The following YTHDC1 variants were observed in gnomAD, a reference collection of about 807,000 sequenced individuals.
YTHDC1 encodes the protein YTH N6-methyladenosine RNA binding protein C1, also known as YTH domain-containing protein 1.
A neutral mutation model predicts 107.0 loss-of-function variants in YTHDC1; 12 were observed. The observed-to-expected ratio is 0.11, with a 90% CI of 0.07 to 0.18. The LOEUF is 0.18. YTHDC1 is among the 10% of genes least tolerant of loss of function. The pLI, the probability that YTHDC1 is intolerant of heterozygous loss-of-function variation, is 1.00. For missense variants in YTHDC1, 635 were observed against 898.8 expected (o/e 0.71, Z 3.75); for synonymous variants, 280 against 289.5 (o/e 0.97, Z 0.33).
At chr4:68,346,932 T>G (rs902930276) in intron 1 of YTHDC1, among the ~76,000 whole-genome samples, 1 of 152,120 alleles carries the variant, frequency 6.6e-6, no homozygotes, top group Non-Finnish European at 1.5e-5. Context: ...TAGAACGTAT[T>G]TACCAGGAAA....
At chr4:68,330,154 G>A in intron 8 of YTHDC1, 35 bp from the exon 9 acceptor site, 2 of 1,576,078 alleles carry the variant, frequency 1.3e-6, no homozygotes, top group Middle Eastern at 1.7e-4. Context: ...ATATGTAGAT[G>A]CTAATATAAT....
intron 11 of YTHDC1, among the ~76,000 whole-genome samples, chr4:68,320,723 G>C (rs1328545353): frequency 6.6e-6 from 1 of 152,018 alleles, no homozygotes; most frequent in African/African-American, 2.4e-5. Context: ...CACAAATTAT[G>C]AATTTTACAT....
chr4:68,338,942 A>AT lies in YTHDC1; in HGVS notation c.29-559dup, dbSNP rs1295601319. Among the ~76,000 whole-genome samples the AT allele has an allele frequency of 7.2e-5, 11 of 152,366 alleles. No individual in the cohort carries two copies. In the South Asian group the frequency reaches 1.7e-3, roughly 23 times the overall value. On this transcript the variant is annotated intron_variant, in intron 1 of 16. Transcript: ENST00000344157. ...AAGGCATGAAAAGATATACTGAGGCATAAAAAGAAAATGCAAGAATGTCTC... is the reference window on the plus strand; with the variant it reads ...AAGGCATGAAAAGATATACTGAGGCATTAAAAAGAAAATGCAAGAATGTCTC...
chr4:68,347,771 G>A (rs1725613756), intron 1 of YTHDC1, among the ~76,000 whole-genome samples: 1 of 152,136 alleles, frequency 6.6e-6, no homozygotes, highest in Non-Finnish European at 1.5e-5. Context: ...TTCCTTAAGA[G>A]AGGAAGACCT....
chr4:68,322,606 G>A lies in YTHDC1; in HGVS notation c.1601+143C>T. 1.0e-6 allele frequency: 1 copy of A among 1,000,336 alleles called. No homozygotes were observed. Among genetic ancestry groups the A allele is most frequent in the Non-Finnish European group, 1.4e-6 (1 of 711,566 alleles). The allele number at this position is 1,000,336 out of a possible 1,614,324, so 62.0% of individuals were successfully genotyped here. A position where few individuals can be genotyped will look rare whatever the true frequency, so the allele number is the denominator to read the frequency against. On this transcript the variant is annotated intron_variant, in intron 11 of 16. Transcript: ENST00000344157. This position sits in a 1 kb window ranked among gnomAD's most constrained non-coding sequence, Gnocchi z 4.8. ...AAGGTGACCATGTGAAATCCTCAAT[G>A]AAGCCACAAACTAGTCCATGCAGCT...
At position 68,330,076 on chromosome 4, in the gene YTHDC1, A is replaced by T. The variant is rs200865937; in HGVS notation, c.1275T>A (p.Pro425=). 222 of 1,613,790 alleles carry T rather than the reference A, an allele frequency of 1.4e-4. 1 individual carries two copies. In the East Asian group the frequency reaches 4.7e-3, roughly 34 times the overall value. The change falls in exon 9 of 17, where the codon CCT becomes CCA. Residue 425 remains proline (P), a synonymous_variant. Transcript: ENST00000344157. ...LSSESHHGGS[P]IHWVLPAGMS... ...TTCCTGCTGGAAGCACCCAGTGTAT[A>T]GGAGATCCTCCGTGATGTGATTCTG...
intron 1 of YTHDC1, among the ~76,000 whole-genome samples, chr4:68,342,593 G>C (rs1403127197): frequency 6.6e-6 from 1 of 152,122 alleles, no homozygotes; most frequent in African/African-American, 2.4e-5. Flanking sequence ...TTATATACTT[G>C]AGGTGCATTT....
At chr4:68,336,244 T>A (rs916489009) in intron 4 of YTHDC1, among the ~76,000 whole-genome samples, 2 of 151,998 alleles carry the variant, frequency 1.3e-5, no homozygotes, top group Non-Finnish European at 2.9e-5. Context: ...TCTGGTAGCA[T>A]CTTTACATAA....
intron 4 of YTHDC1, among the ~76,000 whole-genome samples, chr4:68,333,708 A>T (rs956775118): frequency 3.9e-5 from 6 of 152,126 alleles, no homozygotes; most frequent in African/African-American, 1.2e-4. Context: ...AAATTTGCAA[A>T]GCAAAAACAA....
At chr4:68,339,280 G>GA (rs1560499965) in intron 1 of YTHDC1, among the ~76,000 whole-genome samples, 2 of 151,998 alleles carry the variant, frequency 1.3e-5, no homozygotes, top group East Asian at 1.9e-4. Flanking sequence ...CCTACATGAG[G>GA]AAAAAAATCA....
chr4:68,333,690 G>T (rs149194019), intron 4 of YTHDC1, among the ~76,000 whole-genome samples: 3 of 138,464 alleles, frequency 2.2e-5, no homozygotes, highest in Non-Finnish European at 4.7e-5. Context: ...TTTTCCAAGC[G>T]GGGGGGGAAA....
In YTHDC1 at chr4:68,312,295, T is replaced by C. The variant is rs1037939198; in HGVS notation, c.*1804A>G. ...TGTATATAAAAGCACAAAGTCTCTA[T>C]TGCATACAAAGTGCTCAGTATTTAT... On this transcript the variant is annotated 3_prime_UTR_variant, in exon 17 of 17. Coordinates refer to ENST00000344157, the MANE Select transcript of YTHDC1 (RefSeq NM_001031732.4). The C allele has an allele frequency of 3.3e-5, 5 of 152,190 alleles. No individual in the cohort carries two copies. The highest frequency in any genetic ancestry group is 1.3e-4 in the Admixed American group (2 of 15,274). The allele number at this position is 152,190 out of a possible 1,614,324, so 9.4% of individuals were successfully genotyped here.
intron 1 of YTHDC1, among the ~76,000 whole-genome samples, chr4:68,339,698 A>C (rs536117514): frequency 6.6e-6 from 1 of 152,294 alleles, no homozygotes; most frequent in Admixed American, 6.5e-5. Flanking sequence ...TTCACACTGC[A>C]CTTGTAGCTA....
Position 68,316,491 on chromosome 4 carries a change from C to T in YTHDC1, c.1825-43G>A, listed in dbSNP as rs771259406. On this transcript the variant is annotated intron_variant, in intron 15 of 16. Coordinates refer to ENST00000344157, the MANE Select transcript of YTHDC1 (RefSeq NM_001031732.4). ...TTTACATTAAGAATCTACCAACACC[C>T]TTGTAAACAAGCGATTCTTAGAACC... is the stretch of plus-strand genomic sequence containing the variant. 8 of 1,588,328 alleles carry T rather than the reference C, an allele frequency of 5.0e-6. No individual in the cohort carries two copies. The South Asian group carries it at 9.2e-5, about 18-fold the overall frequency.
rs147485607 is a variant in YTHDC1 at position 68,340,855 on chromosome 4, G to A, written c.29-2471C>T. 1.0e-3 allele frequency among the ~76,000 whole-genome samples: 156 copies of A among 151,968 alleles called. 4 individuals are homozygous for A. The East Asian group carries it at 0.028, about 27-fold the overall frequency. On this transcript the variant is annotated intron_variant, in intron 1 of 16. Transcript: ENST00000344157. ...ATTTAATACAGAATGAAATAATTTT[G>A]CAGAATGTTAATTTAAATAAATTTA...
At chr4:68,316,197 G>C (rs1721839562) in intron 16 of YTHDC1, 117 bp downstream of exon 16, 21 of 1,158,430 alleles carry the variant, frequency 1.8e-5, no homozygotes, top group African/African-American at 1.6e-5. Flanking sequence ...TTCCAAAACA[G>C]TCTGCAGTAA....
chr4:68,316,137 T>C, intron 16 of YTHDC1, 177 bp downstream of exon 16: 1 of 684,244 alleles, frequency 1.5e-6, no homozygotes, highest in Non-Finnish European at 2.3e-6. Flanking sequence ...ATTCTATCTA[T>C]ATAATCCAAA....
At chr4:68,323,069 A>G (rs115464684) in intron 10 of YTHDC1, among the ~76,000 whole-genome samples, 154 bp from the exon 11 acceptor site, 3,036 of 152,356 alleles carry the variant, frequency 0.02, 34 homozygotes, top group Non-Finnish European at 0.03. Flanking sequence ...GATTTATAAA[A>G]CATTTAAAAA....
In YTHDC1 at chr4:68,338,510, T is replaced by G; in HGVS notation, c.29-126A>C. 4.8e-6 allele frequency: 3 copies of G among 622,240 alleles called. No individual in the cohort carries two copies. The South Asian group carries it at 7.5e-5, about 16-fold the overall frequency. 38.5% of individuals were successfully genotyped at this position (622,240 alleles called of 1,614,324 possible). A position where few individuals can be genotyped will look rare whatever the true frequency, so the allele number is the denominator to read the frequency against. On this transcript the variant is annotated intron_variant, in intron 1 of 16. Transcript: ENST00000344157. ...TACTTTTATATAAAAAGCTTTACTT[T>G]TATTTCAGAATCAAGACACAAGATT...
Sources: allele counts gnomAD v4.1 joint callset (sites outside exome capture counted in the v4.1 genomes callset), GRCh38; gene constraint gnomAD v4.1.1; non-coding constraint Gnocchi (gnomAD v3.1); transcripts MANE v1.5; gene names NCBI Gene and HGNC (gene_info 2026-07-23, HGNC 2026-07-21).